Variants in ZBTB20 observed in about 807,000 individuals in gnomAD.
The protein encoded by ZBTB20 is zinc finger and BTB domain containing 20, also known as zinc finger and BTB domain-containing protein 20.
Under a neutral mutation model 56.9 loss-of-function variants are expected in ZBTB20, and 9 were observed. That is an observed-to-expected ratio of 0.16 (90% CI 0.10 to 0.28). The LOEUF (loss-of-function observed/expected upper bound fraction) is 0.28. Among genes scored for constraint, ZBTB20 ranks in the 10% least tolerant of loss-of-function variants. The pLI is 1.00. For missense variants in ZBTB20, 655 were observed against 1,003.0 expected (o/e 0.65, Z 4.69); for synonymous variants, 417 against 420.7 (o/e 0.99, Z 0.11).
chr3:115,010,236 T>C (rs2079643377), intron 2 of ZBTB20, among the ~76,000 whole-genome samples: 2 of 151,944 alleles, frequency 1.3e-5, no homozygotes, highest in South Asian at 4.1e-4. Flanking sequence ...GGCTGGCTTT[T>C]CCACTTACTG....
At chr3:114,858,476 A>C (rs2075346269) in intron 4 of ZBTB20, among the ~76,000 whole-genome samples, 1 of 152,092 alleles carries the variant, frequency 6.6e-6, no homozygotes, top group Non-Finnish European at 1.5e-5. Flanking sequence ...TTCTCTTTAC[A>C]TAGTGCAATA....
At chr3:114,769,422 C>T (rs2069018609) in intron 5 of ZBTB20, among the ~76,000 whole-genome samples, 1 of 150,824 alleles carries the variant, frequency 6.6e-6, no homozygotes, top group Non-Finnish European at 1.5e-5. Flanking sequence ...ACTATTCCAT[C>T]ATATATATAT....
chr3:114,566,002 T>G (rs1183340312), intron 6 of ZBTB20, among the ~76,000 whole-genome samples: 1 of 146,158 alleles, frequency 6.8e-6, no homozygotes, highest in Non-Finnish European at 1.5e-5. Flanking sequence ...CATACATTTT[T>G]TCTTTTTTTT....
chr3:114,472,174 T>C (rs944244753), intron 7 of ZBTB20, among the ~76,000 whole-genome samples: 2 of 152,170 alleles, frequency 1.3e-5, no homozygotes, highest in Non-Finnish European at 2.9e-5. Flanking sequence ...ATCACTAAAA[T>C]TGGTTGCTAA....
intron 6 of ZBTB20, among the ~76,000 whole-genome samples, chr3:114,656,623 G>C (rs561709312): frequency 6.6e-6 from 1 of 151,942 alleles, no homozygotes; most frequent in Non-Finnish European, 1.5e-5. Context: ...ACAATCTATT[G>C]TTAAGCCACT....
chr3:114,729,622 GA>G (rs2065572884), intron 5 of ZBTB20, among the ~76,000 whole-genome samples: 1 of 152,144 alleles, frequency 6.6e-6, no homozygotes. Flanking sequence ...TTGGGCTGCA[GA>G]AATCAAGGGA....
chr3:114,915,697 TA>T (rs1214560044), intron 3 of ZBTB20, among the ~76,000 whole-genome samples: 2 of 152,022 alleles, frequency 1.3e-5, no homozygotes, highest in Non-Finnish European at 2.9e-5. Flanking sequence ...AAAGTTTTTC[TA>T]CTTTCTTGAT....
chr3:114,992,040 G>A (rs1397885850), intron 2 of ZBTB20, among the ~76,000 whole-genome samples: 2 of 149,870 alleles, frequency 1.3e-5, no homozygotes, highest in Non-Finnish European at 3.0e-5. Context: ...CTTTTTTTTT[G>A]TAATAATCTC....
intron 1 of ZBTB20, among the ~76,000 whole-genome samples, chr3:115,072,861 ACT>A (rs1560547794): frequency 6.6e-6 from 1 of 152,126 alleles, no homozygotes; most frequent in Admixed American, 6.6e-5. Flanking sequence ...ACTCATATGA[ACT>A]CTGCATAACC....
intron 4 of ZBTB20, among the ~76,000 whole-genome samples, chr3:114,848,711 T>G (rs2074843610): frequency 6.6e-6 from 1 of 152,202 alleles, no homozygotes; most frequent in Non-Finnish European, 1.5e-5. Context: ...ACTATGTCAA[T>G]CACCCATCTA....
chr3:114,392,902 G>A lies in ZBTB20; in HGVS notation c.-254-3797C>T, dbSNP rs576638784. On this transcript the variant is annotated intron_variant, in intron 7 of 11. Transcript: ENST00000675478. ...TGGGGATAATAGTGTTTACCTAGGT[G>A]AGGAAAACAGACTTTTCCAGGGAAT... 2.6e-5 allele frequency among the ~76,000 whole-genome samples: 4 copies of A among 152,306 alleles called. No homozygotes were observed. The East Asian group carries it at 7.7e-4, about 29-fold the overall frequency.
chr3:114,727,155 T>A (rs1442810951), intron 5 of ZBTB20, among the ~76,000 whole-genome samples: 2 of 152,124 alleles, frequency 1.3e-5, no homozygotes, highest in East Asian at 3.9e-4. Flanking sequence ...TGGGTTCAGG[T>A]CCTTAACTGT....
chr3:114,747,950 AC>A (rs370296009), intron 5 of ZBTB20, among the ~76,000 whole-genome samples: 2,490 of 140,972 alleles, frequency 0.018, 1,005 homozygotes, highest in African/African-American at 0.076. Flanking sequence ...AAAAAAAAAA[AC>A]CAAGATTGAG....
At chr3:114,747,253 G>A (rs16823178) in intron 5 of ZBTB20, among the ~76,000 whole-genome samples, 11,510 of 152,184 alleles carry the variant, frequency 0.076, 443 homozygotes, top group Middle Eastern at 0.14. Flanking sequence ...TAACAGAAAG[G>A]GTGGAAATAG....
At chr3:114,424,934 T>C (rs1251402126) in intron 7 of ZBTB20, among the ~76,000 whole-genome samples, 2 of 152,164 alleles carry the variant, frequency 1.3e-5, no homozygotes, top group Non-Finnish European at 2.9e-5. Context: ...TTCTTTCTTT[T>C]TTTAAATCAA....
intron 5 of ZBTB20, among the ~76,000 whole-genome samples, chr3:114,763,687 C>T (rs1031413670): frequency 3.7e-4 from 56 of 151,972 alleles, no homozygotes; most frequent in African/African-American, 1.3e-3. Flanking sequence ...GAGATTATTA[C>T]AAAATCTGTT....
chr3:114,414,376 G>T (rs892319182), intron 7 of ZBTB20, among the ~76,000 whole-genome samples: 8 of 152,096 alleles, frequency 5.3e-5, no homozygotes, highest in African/African-American at 1.9e-4. Flanking sequence ...TAGCTGGGTT[G>T]GGGGAGAAGC....
At position 114,856,330 on chromosome 3, in the gene ZBTB20, C is replaced by A. The variant is rs542110100; in HGVS notation, c.-417+43974G>T. Among the ~76,000 whole-genome samples, 368 of 152,222 alleles carry A rather than the reference C, an allele frequency of 2.4e-3. 1 individual carries two copies. Among genetic ancestry groups the A allele is most frequent in the African/African-American group, 8.4e-3 (349 of 41,530 alleles). On this transcript the variant is annotated intron_variant, in intron 4 of 11. Coordinates refer to ENST00000675478, the MANE Select transcript of ZBTB20 (RefSeq NM_001348800.3). ...TTTTGGAAGAGAGATTCAGAAACCA[C>A]AAAATGGCAGAGTTGGCATTGAACA...
At position 114,323,063 on chromosome 3, in the gene ZBTB20, G is replaced by A. The variant is rs549910727; in HGVS notation, c.*15942C>T. The A allele has an allele frequency of 2.0e-5, 3 of 151,988 alleles. No individual in the cohort carries two copies. Among genetic ancestry groups the A allele is most frequent in the East Asian group, 1.9e-4 (1 of 5,180 alleles). 9.4% of individuals were successfully genotyped at this position (151,988 alleles called of 1,614,324 possible). On this transcript the variant is annotated 3_prime_UTR_variant, in exon 12 of 12. Transcript: ENST00000675478. ...AGTCCTTCAGCATCTTTACTCTTGTGTTATTATTTCCCACACAATCTATTG... is the reference window on the plus strand; with the variant it reads ...AGTCCTTCAGCATCTTTACTCTTGTATTATTATTTCCCACACAATCTATTG...
Sources: gnomAD v4.1 joint callset for allele counts (sites outside exome capture counted in the v4.1 genomes callset) on GRCh38, gnomAD v4.1.1 for gene constraint, MANE v1.5 for transcripts, NCBI Gene and HGNC (gene_info 2026-07-23, HGNC 2026-07-21) for gene names.